Variants in ERCC3 observed in about 807,000 individuals in gnomAD.
ERCC3 encodes general transcription and DNA repair factor IIH helicase/translocase subunit XPB.
In ERCC3, 66 loss-of-function variants were observed where a neutral mutation model predicts 94.2. The ratio of observed to expected loss-of-function variants is 0.70; its 90% CI spans 0.57 to 0.86. The LOEUF (loss-of-function observed/expected upper bound fraction) is 0.86, where lower values mean the gene tolerates loss of function less well. ERCC3 is among the 40% of genes least tolerant of loss of function. The pLI is 0.00. For synonymous variants in ERCC3, 349 were observed against 369.1 expected (o/e 0.95, Z 0.63); for missense variants, 829 against 987.1 (o/e 0.84, Z 2.15).
chr2:127,293,493 C>G lies in ERCC3; in HGVS notation c.234+20G>C. 6.2e-7 allele frequency: 1 copy of G among 1,612,486 alleles called. No individual in the cohort carries two copies. The highest frequency in any genetic ancestry group is 8.5e-7 in the Non-Finnish European group (1 of 1,178,902). ...GCTCCGCACACTCCTGGGCCCTGCCCAAGCTAAGGGCATGCTTACCACCCA... is the reference window on the plus strand; with the variant it reads ...GCTCCGCACACTCCTGGGCCCTGCCGAAGCTAAGGGCATGCTTACCACCCA... On this transcript the variant is annotated intron_variant, in intron 2 of 14. Coordinates refer to ENST00000285398, the MANE Select transcript of ERCC3 (RefSeq NM_000122.2).
In ERCC3 at chr2:127,284,895, C is replaced by T. The variant is rs4150431; in HGVS notation, c.1342+1808G>A. ...TAGAGACATGTCTCACTATGTTACC[C>T]AGGCTAATCTTAAGCTCCTGGGCTC... On this transcript the variant is annotated intron_variant, in intron 8 of 14. Coordinates refer to ENST00000285398, the MANE Select transcript of ERCC3 (RefSeq NM_000122.2). This position sits in a 1 kb window ranked among gnomAD's most constrained non-coding sequence, Gnocchi z 4.1. Among the ~76,000 whole-genome samples the T allele has an allele frequency of 8.4e-3, 1,277 of 152,230 alleles. 22 individuals are homozygous for T. Among genetic ancestry groups the T allele is most frequent in the African/African-American group, 0.029 (1,217 of 41,544 alleles).
chr2:127,286,884 G>A lies in ERCC3; in HGVS notation c.1161C>T (p.Ser387=). Residue 387 remains serine, a synonymous_variant, in exon 8 of 15, where the codon AGC becomes AGT. Coordinates refer to ENST00000285398, the MANE Select transcript of ERCC3 (RefSeq NM_000122.2). ...CATCGGAGGTGAACCGGCAGATCTG[G>A]CTGTCGTCAATGGTGGACCACATCT... ...QFKMWSTIDD[S]QICRFTSDAK... 6.2e-7 allele frequency: 1 copy of A among 1,614,214 alleles called. No homozygotes were observed. The highest frequency in any genetic ancestry group is 8.5e-7 in the Non-Finnish European group (1 of 1,180,040).
At chr2:127,273,776 A>T (rs1365195819) in intron 10 of ERCC3, among the ~76,000 whole-genome samples, 28 of 148,714 alleles carry the variant, frequency 1.9e-4, no homozygotes, top group Non-Finnish European at 3.4e-4. Flanking sequence ...AAAAAAAAAA[A>T]TTTTCCAGCT....
rs1164346565 is a variant in ERCC3, at chr2:127,292,857, C to A, written c.235-11G>T. ...ATGGCCATCGGGAGCCTGAGAGATACCAAATGGACAAAACAGACAAGGAAA... is the reference window on the plus strand; with the variant it reads ...ATGGCCATCGGGAGCCTGAGAGATAACAAATGGACAAAACAGACAAGGAAA... On this transcript the variant is annotated splice_polypyrimidine_tract_variant and intron_variant, in intron 2 of 14. Coordinates refer to ENST00000285398, the MANE Select transcript of ERCC3 (RefSeq NM_000122.2). 2 of 1,539,594 alleles carry A rather than the reference C, an allele frequency of 1.3e-6. No individual in the cohort carries two copies. Among genetic ancestry groups the A allele is most frequent in the South Asian group, 2.2e-5 (2 of 89,634 alleles).
chr2:127,283,083 T>A (rs1301973203), intron 8 of ERCC3, among the ~76,000 whole-genome samples: 1 of 142,178 alleles, frequency 7.0e-6, no homozygotes, highest in Non-Finnish European at 1.5e-5. Context: ...TACCCACCCT[T>A]CCACCTTTTT....
At position 127,287,127 on chromosome 2, in the gene ERCC3, C is replaced by T. The variant is rs370192578; in HGVS notation, c.1028-110G>A. 1.8e-5 allele frequency: 15 copies of T among 818,536 alleles called. No individual in the cohort carries two copies. In the African/African-American group the frequency reaches 2.5e-4, roughly 14 times the overall value. The allele number at this position is 818,536 out of a possible 1,614,324, so 50.7% of individuals were successfully genotyped here. A position where few individuals can be genotyped will look rare whatever the true frequency, so the allele number is the denominator to read the frequency against. ...ATCTAGGAAAATGTCTTGTAACAGT[C>T]CACATAGCTGACATCTGAGCGACAC... On this transcript the variant is annotated intron_variant, in intron 7 of 14. Transcript: ENST00000285398.
At chr2:127,267,180 T>C (rs1000908184) in intron 12 of ERCC3, among the ~76,000 whole-genome samples, 2 of 152,230 alleles carry the variant, frequency 1.3e-5, no homozygotes, top group African/African-American at 4.8e-5. Flanking sequence ...ATCTGTCTCA[T>C]GCTGTCAGTG....
rs1190450041 is a variant in ERCC3 at position 127,277,755 on chromosome 2, A to G, written c.1730+1418T>C. On this transcript the variant is annotated intron_variant, in intron 10 of 14. Transcript: ENST00000285398. This position sits in a 1 kb window ranked among gnomAD's most constrained non-coding sequence, Gnocchi z 5.1. ...CTGAACATACTTACACAGTCAAAAT[A>G]ATGTAACTGAATATTAAAGTAACCC... Among the ~76,000 whole-genome samples the G allele has an allele frequency of 2.0e-5, 3 of 152,144 alleles. No homozygotes were observed. Among genetic ancestry groups the G allele is most frequent in the Non-Finnish European group, 4.4e-5 (3 of 68,034 alleles).
intron 12 of ERCC3, among the ~76,000 whole-genome samples, chr2:127,266,636 C>T (rs939181403): frequency 9.2e-5 from 14 of 151,764 alleles, no homozygotes; most frequent in Admixed American, 3.9e-4. Context: ...CACACCCTGC[C>T]GAATTTATTG....
At chr2:127,290,907 C>T in intron 3 of ERCC3, 2 of 153,804 alleles carry the variant, frequency 1.3e-5, no homozygotes, top group Non-Finnish European at 2.9e-5. Context: ...CATGGTGAAA[C>T]CCCATCTCTA....
At position 127,264,595 on chromosome 2, in the gene ERCC3, A is replaced by G. The variant is rs1030179040; in HGVS notation, c.1946-3249T>C. Among the ~76,000 whole-genome samples the G allele has an allele frequency of 4.6e-5, 7 of 152,272 alleles. No homozygotes were observed. The highest frequency in any genetic ancestry group is 4.1e-4 in the South Asian group (2 of 4,830). ...ACTTTGCATCCCAGAAGTAAAGCCT[A>G]TTTGATTGTGGTGAATTAACTTTTT... On this transcript the variant is annotated intron_variant, in intron 12 of 14. Transcript: ENST00000285398. This position sits in a 1 kb window ranked among gnomAD's most constrained non-coding sequence, Gnocchi z 4.4.
chr2:127,275,854 G>C (rs909997284), intron 10 of ERCC3, among the ~76,000 whole-genome samples: 17 of 152,176 alleles, frequency 1.1e-4, no homozygotes, highest in African/African-American at 2.9e-4. Context: ...TAACAGACTA[G>C]AGAAAGCAGA....
Position 127,271,591 on chromosome 2 carries a change from C to G in ERCC3, c.1828-138G>C, listed in dbSNP as rs1401469007. The stretch of plus-strand genomic sequence containing the variant: ...TCTTTATACCAGGGTCTATCTGATG[C>G]AGGCAGAGAGAGGTGAAGCAATAAA... On this transcript the variant is annotated intron_variant, in intron 11 of 14. Transcript: ENST00000285398. This position sits in a 1 kb window ranked among gnomAD's most constrained non-coding sequence, Gnocchi z 5.0. The G allele has an allele frequency of 7.0e-6, 5 of 711,114 alleles. No individual in the cohort carries two copies. The highest frequency in any genetic ancestry group is 1.8e-5 in the African/African-American group (1 of 56,428). 44.1% of individuals were successfully genotyped at this position (711,114 alleles called of 1,614,324 possible).
rs774730824 is a variant in ERCC3 at position 127,257,718 on chromosome 2, G to A, written c.2227C>T (p.Arg743Cys). 30 of 1,614,028 alleles carry A rather than the reference G, an allele frequency of 1.9e-5. 1 individual carries two copies. In the Admixed American group the frequency reaches 2.5e-4, roughly 13 times the overall value. The change falls in exon 15 of 15, where the codon CGC (arginine) becomes TGC (cysteine). Residue 743 changes from arginine to cysteine, a missense_variant. By Grantham distance (180) the Arg-to-Cys change is radical. Coordinates refer to ENST00000285398, the MANE Select transcript of ERCC3 (RefSeq NM_000122.2). The surrounding 1 kb of genome is among the most constrained non-coding windows in gnomAD (Gnocchi z 5.4). The part of the protein sequence containing the change: ...FGSRSSQASR[R>C]FGTMSSMSGA... ...GACATAGAACTCATGGTGCCAAAGC[G>A]CCGAGATGCCTGCCGGGAAGGGGGA...
Position 127,274,016 on chromosome 2 carries a change from A to T in ERCC3, c.1731-1055T>A, listed in dbSNP as rs992786907. ...CAGGCATTGAGCTGAGTATTACATT[A>T]AAAAAAAAAAAATCCAGCCAGGCGC... is the stretch of plus-strand genomic sequence containing the variant. On this transcript the variant is annotated intron_variant, in intron 10 of 14. Coordinates refer to ENST00000285398, the MANE Select transcript of ERCC3 (RefSeq NM_000122.2). This position sits in a 1 kb window ranked among gnomAD's most constrained non-coding sequence, Gnocchi z 4.0. 1.4e-5 allele frequency among the ~76,000 whole-genome samples: 2 copies of T among 142,182 alleles called. No individual in the cohort carries two copies. Among genetic ancestry groups the T allele is most frequent in the Non-Finnish European group, 3.1e-5 (2 of 64,508 alleles). 93.3% of individuals were successfully genotyped at this position (142,182 alleles called of 152,430 possible). A position where few individuals can be genotyped will look rare whatever the true frequency, so the allele number is the denominator to read the frequency against.
chr2:127,279,212 T>C lies in ERCC3; in HGVS notation c.1691A>G (p.Asn564Ser), dbSNP rs1684832049. 3 of 1,613,820 alleles carry C rather than the reference T, an allele frequency of 1.9e-6. No individual in the cohort carries two copies. Among genetic ancestry groups the C allele is most frequent in the Non-Finnish European group, 2.5e-6 (3 of 1,179,684 alleles). Residue 564 changes from asparagine to serine, a missense_variant, in exon 10 of 15, where the codon AAT becomes AGT. Physicochemically the swap from Asn to Ser is conservative, Grantham distance 46 (BLOSUM62 1). Transcript: ENST00000285398. This position sits in a 1 kb window ranked among gnomAD's most constrained non-coding sequence, Gnocchi z 4.7. ...GGCATATTCCTTTAGGGCAAACACA[T>C]TGTCAGCAAAGACAATAATCTTGTC... Reference protein sequence around the residue: ...RNDKIIVFADNVFALKEYAIR... With the variant: ...RNDKIIVFADSVFALKEYAIR...
chr2:127,261,536 G>A (rs1684190274), intron 12 of ERCC3, 190 bp from the exon 13 acceptor site: 1 of 616,936 alleles, frequency 1.6e-6, no homozygotes, highest in Admixed American at 2.7e-5. Flanking sequence ...ACACCATCAA[G>A]TGAAAAAACA....
chr2:127,288,630 G>A (rs768992285), intron 7 of ERCC3, 30 bp downstream of exon 7: 2 of 1,589,680 alleles, frequency 1.3e-6, no homozygotes, highest in African/African-American at 1.3e-5. Flanking sequence ...ACAACAGCCT[G>A]ACCACCTTCT....
At position 127,274,624 on chromosome 2, in the gene ERCC3, G is replaced by A. The variant is rs748408226; in HGVS notation, c.1731-1663C>T. Among the ~76,000 whole-genome samples the A allele has an allele frequency of 1.3e-5, 2 of 152,210 alleles. No individual in the cohort carries two copies. Among genetic ancestry groups the A allele is most frequent in the Non-Finnish European group, 2.9e-5 (2 of 68,042 alleles). On this transcript the variant is annotated intron_variant, in intron 10 of 14. Transcript: ENST00000285398. This position sits in a 1 kb window ranked among gnomAD's most constrained non-coding sequence, Gnocchi z 4.0. The stretch of plus-strand genomic sequence containing the variant: ...TAGCCCAGTCACAAGCTGCCTTGCC[G>A]TGATCCAGAATGTCCCGGCCACCAC...
Sources: gnomAD v4.1 joint callset for allele counts (sites outside exome capture counted in the v4.1 genomes callset) on GRCh38, gnomAD v4.1.1 for gene constraint, Gnocchi (gnomAD v3.1) non-coding constraint, MANE v1.5 for transcripts, NCBI Gene and HGNC (gene_info 2026-07-23, HGNC 2026-07-21) for gene names.